The following C18orf32 variants were observed in gnomAD, a reference collection of about 807,000 sequenced individuals.
C18orf32 encodes chromosome 18 open reading frame 32.
In C18orf32, 5 loss-of-function variants were observed where a neutral mutation model predicts 7.4. That is an observed-to-expected ratio of 0.68 (90% CI 0.35 to 1.42). C18orf32 has a LOEUF of 1.42. Among genes scored for constraint, C18orf32 ranks in the 40% most tolerant of loss-of-function variants. The pLI is 0.04. For missense variants in C18orf32, 88 were observed against 92.4 expected (o/e 0.95, Z 0.19); for synonymous variants, 30 against 29.3 (o/e 1.02, Z -0.08).
chr18:49,483,164 C>T (rs1007597584), intron 2 of C18orf32, among the ~76,000 whole-genome samples: 1 of 152,084 alleles, frequency 6.6e-6, no homozygotes, highest in Non-Finnish European at 1.5e-5. Flanking sequence ...CAGAAACGGG[C>T]CGGATGGCTA....
rs1045757576 is a variant in C18orf32, at chr18:49,481,214, A to G, written c.*1131T>C. ...ATTTATATCAAATAAAGCCCAAGGT[A>G]AATCAGTGACTTGACCAGCCACAGA... On this transcript the variant is annotated 3_prime_UTR_variant, in exon 3 of 3. Transcript: ENST00000318240. 1.3e-5 allele frequency: 2 copies of G among 151,066 alleles called. No individual in the cohort carries two copies. Among genetic ancestry groups the G allele is most frequent in the African/African-American group, 2.4e-5 (1 of 40,890 alleles). 9.4% of individuals were successfully genotyped at this position (151,066 alleles called of 1,614,324 possible). A position where few individuals can be genotyped will look rare whatever the true frequency, so the allele number is the denominator to read the frequency against.
rs1258091801 is a variant in C18orf32, at chr18:49,481,329, C to CA, written c.*1015dup. On this transcript the variant is annotated 3_prime_UTR_variant, in exon 3 of 3. Coordinates refer to ENST00000318240, the MANE Select transcript of C18orf32 (RefSeq NM_001035005.4). Reference sequence around the variant, plus strand: ...ATCTTTCCCAGCTTCAGAGTGAATACAAAAAATATATAAGGATGCATCTCA... The same window carrying CA: ...ATCTTTCCCAGCTTCAGAGTGAATACAAAAAAATATATAAGGATGCATCTCA... 1.3e-5 allele frequency: 2 copies of CA among 151,994 alleles called. No individual in the cohort carries two copies. Among genetic ancestry groups the CA allele is most frequent in the African/African-American group, 4.8e-5 (2 of 41,382 alleles). The allele number at this position is 151,994 out of a possible 1,614,324, so 9.4% of individuals were successfully genotyped here.
At chr18:49,484,991 A>G (rs2083719329) in intron 1 of C18orf32, among the ~76,000 whole-genome samples, 1 of 151,992 alleles carries the variant, frequency 6.6e-6, no homozygotes, top group Non-Finnish European at 1.5e-5. Context: ...CTGAGGGGGA[A>G]GAATTGCTTG....
In C18orf32 at chr18:49,482,249, C is replaced by A. The variant is rs940639812; in HGVS notation, c.*96G>T. On this transcript the variant is annotated 3_prime_UTR_variant, in exon 3 of 3. Coordinates refer to ENST00000318240, the MANE Select transcript of C18orf32 (RefSeq NM_001035005.4). ...ATATCTAGACTCCTATCCTGAATTC[C>A]GGTCTCAGATAAAAAGGTCAGAGAC... is the stretch of plus-strand genomic sequence containing the variant. The A allele has an allele frequency of 1.2e-6, 1 of 839,338 alleles. No homozygotes were observed. Among genetic ancestry groups the A allele is most frequent in the African/African-American group, 1.7e-5 (1 of 58,598 alleles). 52.0% of individuals were successfully genotyped at this position (839,338 alleles called of 1,614,324 possible). A position where few individuals can be genotyped will look rare whatever the true frequency, so the allele number is the denominator to read the frequency against.
chr18:49,482,404 C>A lies in C18orf32; in HGVS notation c.172G>T (p.Asp58Tyr). The change falls in exon 3 of 3, where the codon GAC (aspartate) becomes TAC (tyrosine). Residue 58 changes from aspartate to tyrosine, a missense_variant. Coordinates refer to ENST00000318240, the MANE Select transcript of C18orf32 (RefSeq NM_001035005.4). ...CCTTTTGTTGGTAATCCATTCATGTCTGCACCCTAAAATGAAAAAACATTT... is the reference window on the plus strand; with the variant it reads ...CCTTTTGTTGGTAATCCATTCATGTATGCACCCTAAAATGAAAAAACATTT... ...NKGKVNFKGA[D>Y]MNGLPTKGPT... 1 of 1,610,492 alleles carries A rather than the reference C, an allele frequency of 6.2e-7. No homozygotes were observed. Among genetic ancestry groups the A allele is most frequent in the Middle Eastern group, 1.7e-4 (1 of 6,060 alleles).
chr18:49,483,496 T>C, intron 2 of C18orf32, 88 bp downstream of exon 2: 1 of 1,443,030 alleles, frequency 6.9e-7, no homozygotes, highest in Non-Finnish European at 9.3e-7. Flanking sequence ...AGCTTCTGGT[T>C]CTAAAACTTG....
chr18:49,481,750 G>A lies in C18orf32; in HGVS notation c.*595C>T, dbSNP rs1349931231. The A allele has an allele frequency of 1.3e-5, 2 of 152,106 alleles. No homozygotes were observed. Among genetic ancestry groups the A allele is most frequent in the African/African-American group, 4.8e-5 (2 of 41,400 alleles). 9.4% of individuals were successfully genotyped at this position (152,106 alleles called of 1,614,324 possible). On this transcript the variant is annotated 3_prime_UTR_variant, in exon 3 of 3. Coordinates refer to ENST00000318240, the MANE Select transcript of C18orf32 (RefSeq NM_001035005.4). ...ATAATTAGACATTAATGTAACAGAT[G>A]TTTCATTTTTCAAAGAAGTTTCCCC...
chr18:49,483,463 C>G, intron 2 of C18orf32, 121 bp downstream of exon 2: 1 of 1,287,204 alleles, frequency 7.8e-7, no homozygotes, highest in Non-Finnish European at 1.1e-6. Flanking sequence ...TTAATTTAAG[C>G]CAAATGTTAC....
In C18orf32 at chr18:49,482,233, C is replaced by A. The variant is rs1405044670; in HGVS notation, c.*112G>T. On this transcript the variant is annotated 3_prime_UTR_variant, in exon 3 of 3. Coordinates refer to ENST00000318240, the MANE Select transcript of C18orf32 (RefSeq NM_001035005.4). ...GATTAGTATCAGGTAAATATCTAGA[C>A]TCCTATCCTGAATTCCGGTCTCAGA... The A allele has an allele frequency of 5.2e-6, 4 of 775,008 alleles. No homozygotes were observed. The highest frequency in any genetic ancestry group is 9.1e-6 in the Non-Finnish European group (4 of 437,996). The allele number at this position is 775,008 out of a possible 1,614,324, so 48.0% of individuals were successfully genotyped here. A position where few individuals can be genotyped will look rare whatever the true frequency, so the allele number is the denominator to read the frequency against.
At chr18:49,485,237 T>C (rs1439420878) in intron 1 of C18orf32, among the ~76,000 whole-genome samples, 2 of 152,066 alleles carry the variant, frequency 1.3e-5, no homozygotes, top group Non-Finnish European at 2.9e-5. Flanking sequence ...TTGAAATGAA[T>C]TACAAGCAAG....
chr18:49,483,539 C>A (rs749418926), intron 2 of C18orf32, 45 bp downstream of exon 2: 4 of 1,522,016 alleles, frequency 2.6e-6, no homozygotes, highest in East Asian at 2.4e-5. Flanking sequence ...ACCCAAGTAC[C>A]ACCCCCTTTC....
chr18:49,483,879 G>A, intron 1 of C18orf32, 108 bp from the exon 2 acceptor site: 3 of 1,311,438 alleles, frequency 2.3e-6, no homozygotes, highest in East Asian at 5.0e-5. Flanking sequence ...GCTCACGCCT[G>A]TAATCCCAGC....
rs369128238 is a variant in C18orf32, at chr18:49,483,626, T to C, written c.123A>G (p.Ile41Met). 5.6e-6 allele frequency: 9 copies of C among 1,609,842 alleles called. No individual in the cohort carries two copies. Among genetic ancestry groups the C allele is most frequent in the Non-Finnish European group, 5.9e-6 (7 of 1,179,228 alleles). The change falls in exon 2 of 3, where the codon ATA (isoleucine) becomes ATG (methionine). Residue 41 changes from isoleucine to methionine, a missense_variant. Transcript: ENST00000318240. ...FVSRIWPKKA[I>M]QESNDTNKGK... ...CTTTGTTTGTATCATTGGATTCTTGTATTGCTTTCTTAGGCCATATACGAC... is the reference window on the plus strand; with the variant it reads ...CTTTGTTTGTATCATTGGATTCTTGCATTGCTTTCTTAGGCCATATACGAC...
rs2083654134 is a variant in C18orf32 at position 49,480,799 on chromosome 18, C to A, written c.*1546G>T. On this transcript the variant is annotated 3_prime_UTR_variant, in exon 3 of 3. Transcript: ENST00000318240. ...AACATAAATAAATAAAAATGATGTG[C>A]ATATTTAAGAACAAATTAATTTTCA... 6.6e-6 allele frequency: 1 copy of A among 152,108 alleles called. No individual in the cohort carries two copies. Among genetic ancestry groups the A allele is most frequent in the Non-Finnish European group, 1.5e-5 (1 of 68,020 alleles). The allele number at this position is 152,108 out of a possible 1,614,324, so 9.4% of individuals were successfully genotyped here. A position where few individuals can be genotyped will look rare whatever the true frequency, so the allele number is the denominator to read the frequency against.
Position 49,477,995 on chromosome 18 carries a change from T to G in C18orf32, c.*4350A>C, listed in dbSNP as rs2083633325. ...GCTCCTTAGCATGAAAGTATGACCT[T>G]GAAATCTTAGACTTGTCATTTACAT... On this transcript the variant is annotated 3_prime_UTR_variant, in exon 3 of 3. Transcript: ENST00000318240. 6.7e-6 allele frequency: 1 copy of G among 148,642 alleles called. No individual in the cohort carries two copies. Among genetic ancestry groups the G allele is most frequent in the Non-Finnish European group, 1.5e-5 (1 of 67,892 alleles). The allele number at this position is 148,642 out of a possible 1,614,324, so 9.2% of individuals were successfully genotyped here.
chr18:49,482,628 G>A (rs1346826755), intron 2 of C18orf32, among the ~76,000 whole-genome samples: 1 of 151,676 alleles, frequency 6.6e-6, no homozygotes, highest in Non-Finnish European at 1.5e-5. Flanking sequence ...TCAGGAGGCT[G>A]AGGCAGGAGA....
intron 1 of C18orf32, chr18:49,486,024 G>A (rs2083739342): frequency 2.0e-5 from 3 of 148,198 alleles, no homozygotes; most frequent in African/African-American, 2.5e-5. Flanking sequence ...CGAAACTGCC[G>A]TGAGCTATGA....
intron 1 of C18orf32, among the ~76,000 whole-genome samples, chr18:49,485,570 AAAAAT>A (rs1042728998): frequency 1.8e-4 from 26 of 146,474 alleles, no homozygotes; most frequent in African/African-American, 5.4e-4. Context: ...AAAAAAAAAT[AAAAAT>A]AAAATAAAAT....
chr18:49,483,481 A>G lies in C18orf32; in HGVS notation c.165+103T>C, dbSNP rs1393511464. 23 of 1,356,456 alleles carry G rather than the reference A, an allele frequency of 1.7e-5. No individual in the cohort carries two copies. The South Asian group carries it at 3.1e-4, about 19-fold the overall frequency. 84.0% of individuals were successfully genotyped at this position (1,356,456 alleles called of 1,614,324 possible). The stretch of plus-strand genomic sequence containing the variant: ...ATTTAAGCCAAATGTTACACAAACT[A>G]TTGAAGCTTCTGGTTCTAAAACTTG... On this transcript the variant is annotated intron_variant, in intron 2 of 2. Coordinates refer to ENST00000318240, the MANE Select transcript of C18orf32 (RefSeq NM_001035005.4).
Sources: allele counts gnomAD v4.1 joint callset (sites outside exome capture counted in the v4.1 genomes callset), GRCh38; gene constraint gnomAD v4.1.1; transcripts MANE v1.5; gene names NCBI Gene and HGNC (gene_info 2026-07-23, HGNC 2026-07-21).